CLSTN2: variants seen among roughly 807,000 people sequenced by gnomAD.
CLSTN2 encodes calsyntenin-2.
A neutral mutation model predicts 101.2 loss-of-function variants in CLSTN2; 48 were observed. The observed-to-expected ratio is 0.47, with a 90% CI of 0.38 to 0.60. The LOEUF (loss-of-function observed/expected upper bound fraction) is 0.60. CLSTN2 is among the 20% of genes least tolerant of loss of function. The pLI is 0.00. For missense variants in CLSTN2, 1,160 were observed against 1,238.2 expected (o/e 0.94, Z 0.95); for synonymous variants, 481 against 463.6 (o/e 1.04, Z -0.48).
At chr3:140,396,614 C>T (rs551082414) in intron 2 of CLSTN2, among the ~76,000 whole-genome samples, 2 of 152,334 alleles carry the variant, frequency 1.3e-5, no homozygotes, top group East Asian at 1.9e-4. Context: ...AGTGACTTCC[C>T]TACAGTCCCA....
intron 1 of CLSTN2, among the ~76,000 whole-genome samples, chr3:140,006,439 A>G (rs1163605811): frequency 1.3e-5 from 2 of 152,146 alleles, no homozygotes; most frequent in African/African-American, 2.4e-5. Flanking sequence ...CCATATGCAA[A>G]TGTTCATGGA....
At position 140,419,835 on chromosome 3, in the gene CLSTN2, A is replaced by G. The variant is rs1246910620; in HGVS notation, c.638-1290A>G. Among the ~76,000 whole-genome samples, 7 of 34,470 alleles carry G rather than the reference A, an allele frequency of 2.0e-4. 2 individuals are homozygous for G. 22.6% of individuals were successfully genotyped at this position (34,470 alleles called of 152,430 possible). A position where few individuals can be genotyped will look rare whatever the true frequency, so the allele number is the denominator to read the frequency against. On this transcript the variant is annotated intron_variant, in intron 4 of 16. Transcript: ENST00000458420. ...TATACGTATATATACGTATATGTGT[A>G]TATATATGTGTATATATATATGTAT...
intron 4 of CLSTN2, among the ~76,000 whole-genome samples, chr3:140,406,340 A>G (rs1430646909): frequency 6.6e-6 from 1 of 152,176 alleles, no homozygotes; most frequent in Non-Finnish European, 1.5e-5. Context: ...CTTGGAAGAC[A>G]GAACTAATAT....
intron 2 of CLSTN2, among the ~76,000 whole-genome samples, chr3:140,260,228 A>G (rs1329857209): frequency 6.0e-5 from 9 of 151,242 alleles, no homozygotes; most frequent in Admixed American, 4.0e-4. Context: ...GCCATATTAC[A>G]CTATCTTCAG....
chr3:139,940,711 A>G lies in CLSTN2; in HGVS notation c.109+5228A>G, dbSNP rs569798940. ...TGTAAATGCACATGCATACACACGC[A>G]TTTGGCTTGACTTGTTTGTAAAAAG... On this transcript the variant is annotated intron_variant, in intron 1 of 16. Coordinates refer to ENST00000458420, the MANE Select transcript of CLSTN2 (RefSeq NM_022131.3). Among the ~76,000 whole-genome samples, 7 of 152,264 alleles carry G rather than the reference A, an allele frequency of 4.6e-5. No homozygotes were observed. The South Asian group carries it at 1.5e-3, about 32-fold the overall frequency.
intron 2 of CLSTN2, among the ~76,000 whole-genome samples, chr3:140,356,259 A>G (rs1467648890): frequency 1.3e-5 from 2 of 152,226 alleles, no homozygotes; most frequent in East Asian, 3.9e-4. Context: ...GGGAGCAGAA[A>G]GCAGAACGTG....
chr3:140,530,978 G>T (rs1935244812), intron 8 of CLSTN2, among the ~76,000 whole-genome samples: 1 of 152,176 alleles, frequency 6.6e-6, no homozygotes, highest in Non-Finnish European at 1.5e-5. Flanking sequence ...TTCGGTGCTT[G>T]ATTCAGATAT....
chr3:140,512,851 A>T (rs1934841529), intron 8 of CLSTN2, among the ~76,000 whole-genome samples: 2 of 152,060 alleles, frequency 1.3e-5, no homozygotes. Context: ...CTGTATTCCC[A>T]GGTATTTTAT....
At chr3:140,327,837 A>T (rs2087346351) in intron 2 of CLSTN2, among the ~76,000 whole-genome samples, 1 of 152,358 alleles carries the variant, frequency 6.6e-6, no homozygotes, top group African/African-American at 2.4e-5. Flanking sequence ...AGTGTAGCAT[A>T]ATTTCTAACT....
chr3:140,008,658 G>T (rs2007009200), intron 1 of CLSTN2, among the ~76,000 whole-genome samples: 1 of 152,242 alleles, frequency 6.6e-6, no homozygotes, highest in South Asian at 2.1e-4. Context: ...CTCCATCAGG[G>T]CTTCCAGAGT....
At chr3:140,367,787 G>A (rs898642053) in intron 2 of CLSTN2, among the ~76,000 whole-genome samples, 1 of 152,180 alleles carries the variant, frequency 6.6e-6, no homozygotes, top group African/African-American at 2.4e-5. Flanking sequence ...ACCTCTCTGA[G>A]CCTCAACTTC....
At chr3:140,337,997 A>C (rs1174734480) in intron 2 of CLSTN2, among the ~76,000 whole-genome samples, 1 of 152,168 alleles carries the variant, frequency 6.6e-6, no homozygotes, top group East Asian at 1.9e-4. Context: ...GCTGGGGGGA[A>C]ACAAAGGCAC....
At chr3:140,356,875 T>C (rs1217047613) in intron 2 of CLSTN2, among the ~76,000 whole-genome samples, 1 of 152,270 alleles carries the variant, frequency 6.6e-6, no homozygotes, top group East Asian at 1.9e-4. Context: ...TAAAATGCAC[T>C]GGGTACCAGT....
intron 8 of CLSTN2, among the ~76,000 whole-genome samples, chr3:140,518,150 T>G (rs1410696831): frequency 6.6e-6 from 1 of 152,146 alleles, no homozygotes; most frequent in East Asian, 1.9e-4. Context: ...TCCACCATAC[T>G]TATCCAACAG....
chr3:140,502,376 T>C (rs549665017), intron 8 of CLSTN2, among the ~76,000 whole-genome samples: 2 of 152,312 alleles, frequency 1.3e-5, no homozygotes, highest in Admixed American at 6.5e-5. Flanking sequence ...CTGACCCCTG[T>C]ACCCCACAGT....
rs1327610292 is a variant in CLSTN2, at chr3:140,305,019, CAG to C, written c.233-98606_233-98605del. On this transcript the variant is annotated intron_variant, in intron 2 of 16. Coordinates refer to ENST00000458420, the MANE Select transcript of CLSTN2 (RefSeq NM_022131.3). ...GGAGGACATAGCTGTCACACACACACAGAGACACACACACACACACACACACA... is the reference window on the plus strand; with the variant it reads ...GGAGGACATAGCTGTCACACACACACAGACACACACACACACACACACACA... 9.2e-4 allele frequency among the ~76,000 whole-genome samples: 131 copies of C among 142,450 alleles called. No homozygotes were observed. In the East Asian group the frequency reaches 9.7e-3, roughly 11 times the overall value. 93.5% of individuals were successfully genotyped at this position (142,450 alleles called of 152,430 possible).
intron 5 of CLSTN2, among the ~76,000 whole-genome samples, chr3:140,437,616 C>A (rs1451312624): frequency 6.6e-6 from 1 of 152,192 alleles, no homozygotes; most frequent in Non-Finnish European, 1.5e-5. Context: ...CCCTCTGTGA[C>A]AACAGAAAGA....
At chr3:140,157,335 TG>T (rs1158352669) in intron 1 of CLSTN2, among the ~76,000 whole-genome samples, 1 of 152,184 alleles carries the variant, frequency 6.6e-6, no homozygotes, top group Non-Finnish European at 1.5e-5. Context: ...TTCATATGTC[TG>T]GTAGAATTCA....
At chr3:140,120,434 G>A (rs1560100938) in intron 1 of CLSTN2, among the ~76,000 whole-genome samples, 1 of 152,200 alleles carries the variant, frequency 6.6e-6, no homozygotes, top group African/African-American at 2.4e-5. Flanking sequence ...GAGTTCAGCT[G>A]CCTGGAAGCT....
Sources: gnomAD v4.1 joint callset for allele counts (sites outside exome capture counted in the v4.1 genomes callset) on GRCh38, gnomAD v4.1.1 for gene constraint, MANE v1.5 for transcripts, NCBI Gene and HGNC (gene_info 2026-07-23, HGNC 2026-07-21) for gene names.